PTGR1: variants seen among roughly 807,000 people sequenced by gnomAD.
PTGR1 encodes the protein prostaglandin reductase 1.
A neutral mutation model predicts 37.7 loss-of-function variants in PTGR1; 23 were observed. The observed-to-expected ratio is 0.61, with a 90% confidence interval of 0.44 to 0.86. PTGR1 has a LOEUF of 0.86. PTGR1 is among the 40% of genes least tolerant of loss of function. PTGR1 has a pLI of 0.00. For synonymous variants in PTGR1, 134 were observed against 140.0 expected (o/e 0.96, Z 0.30); for missense variants, 351 against 394.3 (o/e 0.89, Z 0.93).
intron 6 of PTGR1, among the ~76,000 whole-genome samples, chr9:111,580,479 G>A (rs1829245856): frequency 6.6e-6 from 1 of 152,136 alleles, no homozygotes; most frequent in Admixed American, 6.5e-5. Flanking sequence ...CTCTGGGCCA[G>A]GCGCGGTGGC....
chr9:111,554,163 A>G (rs1828052776), intron 9 of PTGR1, among the ~76,000 whole-genome samples: 1 of 152,166 alleles, frequency 6.6e-6, no homozygotes, highest in Non-Finnish European at 1.5e-5. Context: ...ATCACAAACT[A>G]CTACTATTAT....
intron 6 of PTGR1, among the ~76,000 whole-genome samples, chr9:111,580,307 TCTTA>T (rs1170798679): frequency 6.6e-6 from 1 of 152,218 alleles, no homozygotes; most frequent in Non-Finnish European, 1.5e-5. Flanking sequence ...TTTCCTTGCT[TCTTA>T]CTTATTTCTT....
intron 9 of PTGR1, chr9:111,564,228 T>C: frequency 1.6e-5 from 17 of 1,078,150 alleles, no homozygotes; most frequent in Non-Finnish European, 2.0e-5. Flanking sequence ...GACAAGATTA[T>C]TTGCTTGAAG....
At chr9:111,573,666 G>C (rs1564614855) in intron 8 of PTGR1, among the ~76,000 whole-genome samples, 1 of 152,160 alleles carries the variant, frequency 6.6e-6, no homozygotes, top group Non-Finnish European at 1.5e-5. Context: ...GAGGAGCTTA[G>C]AAGACTGGTC....
chr9:111,586,894 C>T (rs2132419209), intron 4 of PTGR1, among the ~76,000 whole-genome samples: 1 of 151,646 alleles, frequency 6.6e-6, no homozygotes, highest in African/African-American at 2.4e-5. Flanking sequence ...GATTTCAGCT[C>T]ACTGCAACCT....
chr9:111,561,172 AG>A (rs1467882842), downstream of PTGR1, among the ~76,000 whole-genome samples: 1 of 134,538 alleles, frequency 7.4e-6, no homozygotes, highest in Admixed American at 7.4e-5. Context: ...AGAGAGAGAG[AG>A]AGAGAAAGAG....
At chr9:111,573,010 T>C (rs1490798293) in intron 8 of PTGR1, among the ~76,000 whole-genome samples, 1 of 152,194 alleles carries the variant, frequency 6.6e-6, no homozygotes, top group African/African-American at 2.4e-5. Flanking sequence ...AACAGTGGAA[T>C]ATGTTAGAAT....
chr9:111,559,599 C>A (rs1564607053), downstream of PTGR1, among the ~76,000 whole-genome samples: 1 of 151,520 alleles, frequency 6.6e-6, no homozygotes, highest in African/African-American at 2.4e-5. Flanking sequence ...CACACACACT[C>A]ACACACACAC....
chr9:111,564,312 T>TATTATG, intron 9 of PTGR1: 1 of 644,830 alleles, frequency 1.6e-6, no homozygotes, highest in Non-Finnish European at 2.0e-6. Flanking sequence ...TTATTATTAT[T>TATTATG]ATTATTATTC....
chr9:111,551,507 C>T lies in PTGR1; in HGVS notation c.880-1708G>A, dbSNP rs930516225. Among the ~76,000 whole-genome samples, 24 of 147,944 alleles carry T rather than the reference C, an allele frequency of 1.6e-4. 1 individual carries two copies. In the East Asian group the frequency reaches 2.4e-3, roughly 15 times the overall value. On this transcript the variant is annotated intron_variant, in intron 9 of 9. Transcript: ENST00000538962. ...ACTGCAACCTCCGCCTCCTGGGTTCCAGCAATTCTCCTGCTTCAGCCTCCC... is the reference window on the plus strand; with the variant it reads ...ACTGCAACCTCCGCCTCCTGGGTTCTAGCAATTCTCCTGCTTCAGCCTCCC...
intron 9 of PTGR1, 62 bp downstream of exon 9, chr9:111,570,029 T>G: frequency 6.2e-7 from 1 of 1,604,918 alleles, no homozygotes; most frequent in Non-Finnish European, 8.5e-7. Context: ...ACAAAAGCCT[T>G]GAGAGGCAAA....
chr9:111,598,519 G>C (rs1281947002), intron 1 of PTGR1, among the ~76,000 whole-genome samples: 1 of 152,050 alleles, frequency 6.6e-6, no homozygotes, highest in African/African-American at 2.4e-5. Flanking sequence ...TTTTGTGACG[G>C]AGTCTCGCTC....
At chr9:111,589,055 T>C (rs1281548806) in intron 4 of PTGR1, among the ~76,000 whole-genome samples, 1 of 152,236 alleles carries the variant, frequency 6.6e-6, no homozygotes, top group Non-Finnish European at 1.5e-5. Context: ...CCCAAATTCC[T>C]TTCTAGAAGG....
downstream of PTGR1, among the ~76,000 whole-genome samples, chr9:111,561,137 A>AGGAGAGAGAG (rs1828295349): frequency 2.8e-5 from 1 of 36,022 alleles, no homozygotes; most frequent in Non-Finnish European, 5.0e-5. Flanking sequence ...AGAGAGAGAG[A>AGGAGAGAGAG]GGAGAGAGAG....
chr9:111,578,938 A>T lies in PTGR1; in HGVS notation c.509T>A (p.Val170Asp). Residue 170 changes from valine to aspartate, a missense_variant, in exon 7 of 10, where the codon GTT becomes GAT. Coordinates refer to ENST00000407693, the MANE Select transcript of PTGR1 (RefSeq NM_001146108.2). ...CTTTTCATCAGACCCTACTGCTCCA[A>T]CAACTTTGCAGCCCTAAGTAGAAAA... ...QIAKLKGCKV[V>D]GAVGSDEKVA... The T allele has an allele frequency of 1.3e-6, 2 of 1,596,860 alleles. No homozygotes were observed. The highest frequency in any genetic ancestry group is 1.7e-6 in the Non-Finnish European group (2 of 1,174,932).
Position 111,586,517 on chromosome 9 carries a change from T to C in PTGR1, c.210-352A>G, listed in dbSNP as rs376559342. Reference sequence around the variant, plus strand: ...GCTCTCTTTCCCTTAGCCTTCCACTTTCCAGAATCGTTGAGATTTTCCTCT... The same window carrying C: ...GCTCTCTTTCCCTTAGCCTTCCACTCTCCAGAATCGTTGAGATTTTCCTCT... On this transcript the variant is annotated intron_variant, in intron 4 of 9. Transcript: ENST00000407693. Among the ~76,000 whole-genome samples, 19 of 152,264 alleles carry C rather than the reference T, an allele frequency of 1.2e-4. No individual in the cohort carries two copies. The East Asian group carries it at 3.7e-3, about 29-fold the overall frequency.
intron 8 of PTGR1, among the ~76,000 whole-genome samples, chr9:111,570,513 G>A (rs1310808476): frequency 1.3e-5 from 2 of 152,058 alleles, no homozygotes; most frequent in Non-Finnish European, 2.9e-5. Context: ...GCTCACACCT[G>A]TAATCCCAGC....
chr9:111,573,585 G>T (rs1299328273), intron 8 of PTGR1, among the ~76,000 whole-genome samples: 3 of 152,002 alleles, frequency 2.0e-5, no homozygotes, highest in Non-Finnish European at 4.4e-5. Flanking sequence ...CCTTTTTTGG[G>T]GGGGGACCAT....
intron 7 of PTGR1, among the ~76,000 whole-genome samples, chr9:111,578,447 T>C (rs1829156013): frequency 6.6e-6 from 1 of 152,106 alleles, no homozygotes; most frequent in Non-Finnish European, 1.5e-5. Context: ...CAGTGACAGA[T>C]CATTAGGCAT....
Sources: allele counts gnomAD v4.1 joint callset (sites outside exome capture counted in the v4.1 genomes callset), GRCh38; gene constraint gnomAD v4.1.1; transcripts MANE v1.5; gene names NCBI Gene and HGNC (gene_info 2026-07-23, HGNC 2026-07-21).